Variants in FBN1 observed in about 807,000 individuals in gnomAD.
FBN1 encodes the protein fibrillin 1, also known as fibrillin-1.
In FBN1, 29 loss-of-function variants were observed where a neutral mutation model predicts 365.1. The observed-to-expected ratio is 0.08, with a 90% CI of 0.06 to 0.11. The LOEUF (loss-of-function observed/expected upper bound fraction) is 0.11. Among genes scored for constraint, FBN1 ranks in the 10% least tolerant of loss-of-function variants. The pLI is 1.00. For missense variants in FBN1, 2,476 were observed against 3,703.2 expected, an observed-to-expected ratio of 0.67 and a Z score of 8.60; for synonymous variants, 1,210 against 1,270.5, an observed-to-expected ratio of 0.95 and a Z score of 1.01.
At chr15:48,643,306 T>C (rs1224154299) in intron 2 of FBN1, 1 of 152,162 alleles carries the variant, frequency 6.6e-6, no homozygotes, top group Non-Finnish European at 1.5e-5. Flanking sequence ...CAAACTTCCT[T>C]CCAACATTAT....
intron 2 of FBN1, among the ~76,000 whole-genome samples, chr15:48,633,200 T>C (rs1890020969): frequency 6.6e-6 from 1 of 151,844 alleles, no homozygotes. Context: ...CTAATGCTCA[T>C]AACATAGTTG....
rs992155203 is a variant in FBN1 at position 48,420,817 on chromosome 15, A to G, written c.7700-11T>C. On this transcript the variant is annotated splice_polypyrimidine_tract_variant and intron_variant, in intron 62 of 65. Transcript: ENST00000316623. ...CACACTCGTCCACGTCTGAAAAAGAAGCAGAGCCACCATGATGCCAACTCA... is the reference window on the plus strand; with the variant it reads ...CACACTCGTCCACGTCTGAAAAAGAGGCAGAGCCACCATGATGCCAACTCA... 1.9e-6 allele frequency: 3 copies of G among 1,613,216 alleles called. No homozygotes were observed. In the Admixed American group the frequency reaches 5.0e-5, roughly 27 times the overall value.
intron 9 of FBN1, among the ~76,000 whole-genome samples, chr15:48,521,638 G>C (rs16961084): frequency 0.15 from 22,989 of 152,104 alleles, 1,893 homozygotes; most frequent in East Asian, 0.36. Context: ...TCTGGGTTAC[G>C]GAAAGAGTTT....
At chr15:48,423,419 T>C (rs1182376898) in intron 60 of FBN1, among the ~76,000 whole-genome samples, 3 of 152,180 alleles carry the variant, frequency 2.0e-5, no homozygotes, top group Non-Finnish European at 4.4e-5. Flanking sequence ...TCCTGTGCTC[T>C]TTCCACTGCT....
At chr15:48,520,159 C>A (rs566920551) in intron 10 of FBN1, among the ~76,000 whole-genome samples, 43 of 151,618 alleles carry the variant, frequency 2.8e-4, no homozygotes, top group Non-Finnish European at 5.9e-4. Context: ...TAGGAGACTA[C>A]TGGAACAGTC....
intron 57 of FBN1, 78 bp from the exon 58 acceptor site, chr15:48,427,851 A>T: frequency 7.5e-7 from 1 of 1,340,278 alleles, no homozygotes; most frequent in Non-Finnish European, 1.1e-6. Context: ...TTGGTCAGAT[A>T]TAAAAACCAA....
In FBN1 at chr15:48,505,109, C is replaced by A. The variant is rs794728177; in HGVS notation, c.1876G>T (p.Gly626Trp). 1 of 1,614,134 alleles carries A rather than the reference C, an allele frequency of 6.2e-7. No individual in the cohort carries two copies. Among genetic ancestry groups the A allele is most frequent in the Non-Finnish European group, 8.5e-7 (1 of 1,180,012 alleles). ...ECETPGICMN[G>W]RCVNTDGSYR... ...GAGCCATCAGTGTTGACGCAACGCC[C>A]ATTCATGCAGATCCCAGGGGTTTCA... The change falls in exon 16 of 66, where the codon GGG becomes TGG. Residue 626 changes from glycine to tryptophan, a missense_variant. Coordinates refer to ENST00000316623, the MANE Select transcript of FBN1 (RefSeq NM_000138.5).
chr15:48,411,520 T>C (rs1244530635), intron 65 of FBN1, 141 bp from the exon 66 acceptor site: 2 of 751,674 alleles, frequency 2.7e-6, no homozygotes, highest in African/African-American at 1.7e-5. Context: ...GCATTTTGTT[T>C]AGACCACAAG....
intron 35 of FBN1, 65 bp downstream of exon 35, chr15:48,472,486 G>C: frequency 6.9e-7 from 1 of 1,450,734 alleles, no homozygotes. Context: ...AAAGCATCAG[G>C]AATGTTTAAA....
intron 3 of FBN1, among the ~76,000 whole-genome samples, chr15:48,611,453 G>C (rs1161472203): frequency 6.6e-6 from 1 of 152,056 alleles, no homozygotes; most frequent in African/African-American, 2.4e-5. Context: ...GTAGAGACAG[G>C]GTTTCACTGT....
At chr15:48,561,223 C>T (rs2044220203) in intron 6 of FBN1, among the ~76,000 whole-genome samples, 1 of 152,146 alleles carries the variant, frequency 6.6e-6, no homozygotes, top group Admixed American at 6.5e-5. Flanking sequence ...CAGTCTTTCC[C>T]TTCCTGGCTC....
chr15:48,547,637 G>A (rs2044104289), intron 6 of FBN1, among the ~76,000 whole-genome samples: 1 of 151,670 alleles, frequency 6.6e-6, no homozygotes, highest in Admixed American at 6.6e-5. Context: ...GTTGGCAAAT[G>A]TTATTTCTAG....
At chr15:48,452,451 C>T in intron 45 of FBN1, 111 bp downstream of exon 45, 1 of 1,307,662 alleles carries the variant, frequency 7.6e-7, no homozygotes, top group Non-Finnish European at 1.1e-6. Context: ...CAATCTAAAT[C>T]TTAACTCATA....
chr15:48,468,611 A>C lies in FBN1; in HGVS notation c.4460-77T>G. The C allele has an allele frequency of 2.7e-6, 4 of 1,501,562 alleles. No homozygotes were observed. The South Asian group carries it at 4.6e-5, about 17-fold the overall frequency. The allele number at this position is 1,501,562 out of a possible 1,614,324, so 93.0% of individuals were successfully genotyped here. ...ACATCACCATAAAAGAACAGGGCCCAATCTAGAGCTCCAAACAAGAATTTT... is the reference window on the plus strand; with the variant it reads ...ACATCACCATAAAAGAACAGGGCCCCATCTAGAGCTCCAAACAAGAATTTT... On this transcript the variant is annotated intron_variant, in intron 36 of 65. Transcript: ENST00000316623.
At chr15:48,518,697 C>G (rs2043825733) in intron 10 of FBN1, among the ~76,000 whole-genome samples, 2 of 152,186 alleles carry the variant, frequency 1.3e-5, no homozygotes, top group South Asian at 4.1e-4. Context: ...TTTTGTTAAG[C>G]TGATGTCCAT....
At chr15:48,581,841 T>TG (rs1212439362) in intron 6 of FBN1, among the ~76,000 whole-genome samples, 1 of 152,176 alleles carries the variant, frequency 6.6e-6, no homozygotes, top group Admixed American at 6.5e-5. Flanking sequence ...AGAATATAGA[T>TG]GCCCCATAGT....
At chr15:48,613,162 GA>G (rs369337747) in intron 2 of FBN1, 70 bp from the exon 3 acceptor site, 17 of 1,203,392 alleles carry the variant, frequency 1.4e-5, no homozygotes, top group African/African-American at 6.1e-5. Flanking sequence ...CAAATAAAAG[GA>G]AAAAAAATTC....
chr15:48,440,105 G>A (rs1225018378), intron 50 of FBN1, among the ~76,000 whole-genome samples: 1 of 152,128 alleles, frequency 6.6e-6, no homozygotes, highest in Non-Finnish European at 1.5e-5. Flanking sequence ...ATTAATCAAG[G>A]GTGTCTTGCA....
chr15:48,417,470 T>TCC (rs2042911832), intron 63 of FBN1, among the ~76,000 whole-genome samples: 1 of 30,228 alleles, frequency 3.3e-5, no homozygotes, highest in African/African-American at 9.4e-5. Flanking sequence ...CTTCCTTCCT[T>TCC]TCCTTCCTTC....
Sources: gnomAD v4.1 joint callset for allele counts (sites outside exome capture counted in the v4.1 genomes callset) on GRCh38, gnomAD v4.1.1 for gene constraint, MANE v1.5 for transcripts, NCBI Gene and HGNC (gene_info 2026-07-23, HGNC 2026-07-21) for gene names.